RAB44: variants seen among roughly 807,000 people sequenced by gnomAD.
RAB44 encodes RAB44, member RAS oncogene family.
In RAB44, 67 loss-of-function variants were observed where a neutral mutation model predicts 93.3. The observed-to-expected ratio is 0.72, with a 90% confidence interval of 0.59 to 0.88. The LOEUF is 0.88. Ranked by LOEUF, RAB44 falls within the 40% of genes least tolerant of loss-of-function variation. The pLI is 0.00. For synonymous variants in RAB44, 427 were observed against 520.3 expected (o/e 0.82, Z 2.44); for missense variants, 1,064 against 1,261.7 (o/e 0.84, Z 2.37).
At position 36,722,275 on chromosome 6, in the gene RAB44, ACT is replaced by A. The variant is rs1562064337; in HGVS notation, c.2146_2147del (p.Leu716AlafsTer54). ...GCGCATTCGGAACTCCCCCAGCAAG[ACT>A]CTCTGCTTGTTTCTCTCCCATCTGC... On this transcript the variant is annotated frameshift_variant, in exon 9 of 14. Coordinates refer to ENST00000612677, the MANE Select transcript of RAB44 (RefSeq NM_001257357.2). LOFTEE classifies it high-confidence loss of function. The A allele has an allele frequency of 3.1e-6, 4 of 1,290,454 alleles. No individual in the cohort carries two copies. The highest frequency in any genetic ancestry group is 1.5e-5 in the African/African-American group (1 of 66,270). The allele number at this position is 1,290,454 out of a possible 1,614,324, so 79.9% of individuals were successfully genotyped here.
In RAB44 at chr6:36,708,682, T is replaced by C. The variant is rs144844237; in HGVS notation, c.207+4240T>C. ...AAGGGAGATACCTTTGCTTTTTGTT[T>C]TTTAAAATAAGATATAATAAGTTCA... is the stretch of plus-strand genomic sequence containing the variant. On this transcript the variant is annotated intron_variant, in intron 2 of 13. Transcript: ENST00000612677. Among the ~76,000 whole-genome samples, 287 of 152,232 alleles carry C rather than the reference T, an allele frequency of 1.9e-3. 1 individual carries two copies. The highest frequency in any genetic ancestry group is 6.3e-3 in the African/African-American group (261 of 41,574).
rs917641242 is a variant in RAB44, at chr6:36,721,938, C to T, written c.1804C>T (p.Leu602=). The change falls in exon 9 of 14, where the codon CTG becomes TTG. Residue 602 remains leucine, a synonymous_variant. Transcript: ENST00000612677. ...GCATGCCACTGGCTCTGAGCCAAGACTGGGGACCCAGAGGGCTAGAGCCCT... is the reference window on the plus strand; with the variant it reads ...GCATGCCACTGGCTCTGAGCCAAGATTGGGGACCCAGAGGGCTAGAGCCCT... ...DLHATGSEPR[L]GTQRARALTL... The T allele has an allele frequency of 2.1e-5, 26 of 1,234,556 alleles. No homozygotes were observed. Among genetic ancestry groups the T allele is most frequent in the African/African-American group, 6.2e-5 (4 of 64,514 alleles). The allele number at this position is 1,234,556 out of a possible 1,614,324, so 76.5% of individuals were successfully genotyped here. A position where few individuals can be genotyped will look rare whatever the true frequency, so the allele number is the denominator to read the frequency against.
chr6:36,724,120 C>T (rs951801228), intron 9 of RAB44, among the ~76,000 whole-genome samples: 1 of 151,418 alleles, frequency 6.6e-6, no homozygotes, highest in Non-Finnish European at 1.5e-5. Flanking sequence ...ACAGGTTCTA[C>T]AACACTACCA....
chr6:36,708,222 A>G (rs570339687), intron 2 of RAB44, among the ~76,000 whole-genome samples: 135 of 152,212 alleles, frequency 8.9e-4, no homozygotes, highest in African/African-American at 2.7e-3. Flanking sequence ...AAGAAAGAAA[A>G]AAAAAAAAGA....
At chr6:36,725,400 GCAGACAAGGAA>G (rs1178959053) in intron 9 of RAB44, among the ~76,000 whole-genome samples, 2 of 151,162 alleles carry the variant, frequency 1.3e-5, no homozygotes, top group Non-Finnish European at 3.0e-5. Context: ...TTGCCACTTT[GCAGACAAGGAA>G]AGAGAGGCTC....
At position 36,722,613 on chromosome 6, in the gene RAB44, C is replaced by A; in HGVS notation, c.2479C>A (p.Gln827Lys). 6.4e-7 allele frequency: 1 copy of A among 1,550,640 alleles called. No individual in the cohort carries two copies. Among genetic ancestry groups the A allele is most frequent in the East Asian group, 2.4e-5 (1 of 40,916 alleles). ...PGDPMAGGGP[Q>K]ANPDYLFHVI... ...AGACCCCATGGCTGGAGGGGGACCCCAGGCCAACCCTGATTACCTCTTCCA... is the reference window on the plus strand; with the variant it reads ...AGACCCCATGGCTGGAGGGGGACCCAAGGCCAACCCTGATTACCTCTTCCA... Residue 827 changes from glutamine to lysine, a missense_variant, in exon 9 of 14, where the codon CAG becomes AAG. Coordinates refer to ENST00000612677, the MANE Select transcript of RAB44 (RefSeq NM_001257357.2).
intron 1 of RAB44, 56 bp from the exon 2 acceptor site, chr6:36,704,168 C>G (rs1163581968): frequency 2.8e-6 from 4 of 1,427,096 alleles, no homozygotes; most frequent in African/African-American, 2.8e-5. Context: ...GGGTTTTGAG[C>G]CATGAGAGGG....
rs148050321 is a variant in RAB44 at position 36,706,107 on chromosome 6, C to T, written c.207+1665C>T. 3.7e-3 allele frequency among the ~76,000 whole-genome samples: 568 copies of T among 152,130 alleles called. 2 individuals carry two copies. The highest frequency in any genetic ancestry group is 0.015 in the South Asian group (72 of 4,816). On this transcript the variant is annotated intron_variant, in intron 2 of 13. Transcript: ENST00000612677. ...TAAAGATGAGGTCTTGCTATGTTGC[C>T]CAAGCTGTTGTCTAACTTCTGGCCT...
chr6:36,719,013 T>G (rs1763001551), intron 7 of RAB44, among the ~76,000 whole-genome samples: 1 of 151,886 alleles, frequency 6.6e-6, no homozygotes, highest in Admixed American at 6.6e-5. Context: ...CTCAGGAGAA[T>G]GGTTCACGCC....
chr6:36,717,307 C>T lies in RAB44; in HGVS notation c.529C>T (p.Arg177Trp), dbSNP rs535277283. Residue 177 changes from arginine (R) to tryptophan (W), a missense_variant, in exon 5 of 14, where the codon CGG becomes TGG. Arg to Trp is a moderately radical substitution (Grantham distance 101). Transcript: ENST00000612677. The surrounding 1 kb of genome is among the most constrained non-coding windows in gnomAD (Gnocchi z 4.1). The part of the protein sequence containing the change: ...MEIWQLWGQL[R>W]QEEPQLAGNL... ...AATCTGGCAACTGTGGGGGCAGCTG[C>T]GGCAGGAGGAGCCCCAGCTGGCAGG... The T allele has an allele frequency of 1.4e-5, 17 of 1,232,134 alleles. No individual in the cohort carries two copies. The highest frequency in any genetic ancestry group is 8.2e-5 in the South Asian group (2 of 24,314). 76.3% of individuals were successfully genotyped at this position (1,232,134 alleles called of 1,614,324 possible). A position where few individuals can be genotyped will look rare whatever the true frequency, so the allele number is the denominator to read the frequency against.
chr6:36,725,765 G>T lies in RAB44; in HGVS notation c.2600-97G>T, dbSNP rs569584874. On this transcript the variant is annotated intron_variant, in intron 9 of 13. Coordinates refer to ENST00000612677, the MANE Select transcript of RAB44 (RefSeq NM_001257357.2). ...CGGCAGCCAAGGGCTCCATCGCACC[G>T]CAGCTGGTACAGGGGACAGGTGTAT... is the stretch of plus-strand genomic sequence containing the variant. 3 of 807,016 alleles carry T rather than the reference G, an allele frequency of 3.7e-6. No homozygotes were observed. In the Admixed American group the frequency reaches 6.1e-5, roughly 16 times the overall value. 50.0% of individuals were successfully genotyped at this position (807,016 alleles called of 1,614,324 possible).
rs1056218019 is a variant in RAB44, at chr6:36,721,358, G to A, written c.1224G>A (p.Arg408=). The A allele has an allele frequency of 1.6e-6, 2 of 1,234,052 alleles. No individual in the cohort carries two copies. The highest frequency in any genetic ancestry group is 2.0e-6 in the Non-Finnish European group (2 of 988,136). The allele number at this position is 1,234,052 out of a possible 1,614,324, so 76.4% of individuals were successfully genotyped here. ...GCCCCCAGACACCCCGTGTGGTCAG[G>A]CAGATCTCCATCTCGGAGCCACAGG... The part of the protein sequence containing the change: ...TSGPQTPRVV[R]QISISEPQAF... Residue 408 remains arginine (R), a synonymous_variant, in exon 9 of 14, where the codon AGG becomes AGA. Coordinates refer to ENST00000612677, the MANE Select transcript of RAB44 (RefSeq NM_001257357.2).
At position 36,718,569 on chromosome 6, in the gene RAB44, TA is replaced by T; in HGVS notation, c.810del (p.Ala271LeufsTer48). On this transcript the variant is annotated frameshift_variant, in exon 7 of 14. Coordinates refer to ENST00000612677, the MANE Select transcript of RAB44 (RefSeq NM_001257357.2). LOFTEE classifies it high-confidence loss of function. ...GCCAAGGAGCGCGAGGTGCAGCGACTAGCTGAGGGCCAGAGGGAGGTGAGTA... is the reference window on the plus strand; with the variant it reads ...GCCAAGGAGCGCGAGGTGCAGCGACTGCTGAGGGCCAGAGGGAGGTGAGTA... ...LEAKEREVQR[L>X]AEGQRELEAQ... is the part of the protein sequence containing the mutation. 8.1e-7 allele frequency: 1 copy of T among 1,234,088 alleles called. No individual in the cohort carries two copies. The highest frequency in any genetic ancestry group is 1.0e-6 in the Non-Finnish European group (1 of 987,962). 76.4% of individuals were successfully genotyped at this position (1,234,088 alleles called of 1,614,324 possible).
rs1763087837 is a variant in RAB44, at chr6:36,721,711, A to T, written c.1577A>T (p.Asp526Val). The T allele has an allele frequency of 8.1e-7, 1 of 1,234,074 alleles. No individual in the cohort carries two copies. The highest frequency in any genetic ancestry group is 4.1e-5 in the South Asian group (1 of 24,400). 76.4% of individuals were successfully genotyped at this position (1,234,074 alleles called of 1,614,324 possible). ...AGSSKQIQAS[D>V]PDDKGPGSWA... ...TCCAGCAAACAGATCCAGGCCTCAGACCCAGATGACAAGGGCCCTGGGTCT... is the reference window on the plus strand; with the variant it reads ...TCCAGCAAACAGATCCAGGCCTCAGTCCCAGATGACAAGGGCCCTGGGTCT... The change falls in exon 9 of 14, where the codon GAC becomes GTC. Residue 526 changes from aspartate to valine, a missense_variant. Transcript: ENST00000612677.
At position 36,722,678 on chromosome 6, in the gene RAB44, C is replaced by A. The variant is rs773743440; in HGVS notation, c.2544C>A (p.Ser848=). 2.1e-5 allele frequency: 32 copies of A among 1,550,564 alleles called. No homozygotes were observed. In the Middle Eastern group the frequency reaches 1.0e-3, roughly 48 times the overall value. ...GAGACTCCAACGTGGGCAAAACATCCTTCCTGCACCTGCTGCACCAGAATT... is the reference window on the plus strand; with the variant it reads ...GAGACTCCAACGTGGGCAAAACATCATTCCTGCACCTGCTGCACCAGAATT... ...FLGDSNVGKT[S]FLHLLHQNSF... Residue 848 remains serine (S), a synonymous_variant, in exon 9 of 14, where the codon TCC becomes TCA. Coordinates refer to ENST00000612677, the MANE Select transcript of RAB44 (RefSeq NM_001257357.2).
At chr6:36,727,793 C>A in intron 11 of RAB44, 102 bp downstream of exon 11, 1 of 802,336 alleles carries the variant, frequency 1.2e-6, no homozygotes, top group Non-Finnish European at 2.1e-6. Flanking sequence ...AATGACATGA[C>A]AGACATATGG....
chr6:36,727,795 G>A (rs1763274992), intron 11 of RAB44, 104 bp downstream of exon 11: 1 of 789,292 alleles, frequency 1.3e-6, no homozygotes, highest in Non-Finnish European at 2.1e-6. Context: ...TGACATGACA[G>A]ACATATGGGT....
chr6:36,728,350 T>G (rs1365748482), intron 11 of RAB44, among the ~76,000 whole-genome samples: 2 of 152,200 alleles, frequency 1.3e-5, no homozygotes, highest in African/African-American at 4.8e-5. Context: ...ACCTGGTGTA[T>G]AGCAATCACT....
At position 36,731,165 on chromosome 6, in the gene RAB44, CCACA is replaced by C. The variant is rs1051178611; in HGVS notation, c.2975+422_2975+425del. Among the ~76,000 whole-genome samples the C allele has an allele frequency of 6.7e-6, 1 of 148,526 alleles. No individual in the cohort carries two copies. Among genetic ancestry groups the C allele is most frequent in the Non-Finnish European group, 1.5e-5 (1 of 66,642 alleles). On this transcript the variant is annotated intron_variant, in intron 13 of 13. Transcript: ENST00000612677. The surrounding 1 kb of genome is among the most constrained non-coding windows in gnomAD (Gnocchi z 4.0). The stretch of plus-strand genomic sequence containing the variant: ...TACACACACACACATTCACTCACAC[CCACA>C]CACACTCACACTCTTACACACACTC...
Sources: gnomAD v4.1 joint callset for allele counts (sites outside exome capture counted in the v4.1 genomes callset) on GRCh38, gnomAD v4.1.1 for gene constraint, Gnocchi (gnomAD v3.1) non-coding constraint, MANE v1.5 for transcripts, NCBI Gene and HGNC (gene_info 2026-07-23, HGNC 2026-07-21) for gene names.